Variants in ARHGAP15 observed in about 807,000 individuals in gnomAD.
The protein encoded by ARHGAP15 is Rho GTPase activating protein 15.
Under a neutral mutation model 63.7 loss-of-function variants are expected in ARHGAP15, and 51 were observed. That is an observed-to-expected ratio of 0.80 (90% CI 0.64 to 1.01). The LOEUF (loss-of-function observed/expected upper bound fraction) is 1.01. Ranked by LOEUF, ARHGAP15 falls within the 50% of genes least tolerant of loss-of-function variation. The pLI is 0.00. For missense variants in ARHGAP15, 560 were observed against 564.6 expected, an observed-to-expected ratio of 0.99 and a Z score of 0.08; for synonymous variants, 191 against 193.8, an observed-to-expected ratio of 0.99 and a Z score of 0.12.
chr2:143,540,272 G>A (rs1458978698), intron 10 of ARHGAP15, among the ~76,000 whole-genome samples: 2 of 152,056 alleles, frequency 1.3e-5, no homozygotes, highest in Admixed American at 6.6e-5. Flanking sequence ...GCCTATATGT[G>A]TGTCTGCACG....
chr2:143,515,377 G>T (rs1428567095), intron 9 of ARHGAP15, among the ~76,000 whole-genome samples: 1 of 152,056 alleles, frequency 6.6e-6, no homozygotes, highest in Non-Finnish European at 1.5e-5. Context: ...TCTAGATAAG[G>T]TGTTTTAGTG....
intron 9 of ARHGAP15, among the ~76,000 whole-genome samples, chr2:143,510,199 C>T (rs953130621): frequency 2.0e-5 from 3 of 152,072 alleles, no homozygotes; most frequent in African/African-American, 7.2e-5. Context: ...ATTTTGTCTT[C>T]CAATATCCGC....
intron 8 of ARHGAP15, among the ~76,000 whole-genome samples, chr2:143,459,092 TAGTGGC>T (rs1690799860): frequency 6.6e-6 from 1 of 152,186 alleles, no homozygotes; most frequent in Admixed American, 6.5e-5. Flanking sequence ...TTAAGGTTGC[TAGTGGC>T]TTCAATTAAA....
intron 12 of ARHGAP15, among the ~76,000 whole-genome samples, chr2:143,693,025 T>C (rs1208718253): frequency 1.3e-5 from 2 of 152,110 alleles, no homozygotes; most frequent in African/African-American, 4.8e-5. Context: ...TTTAAAGTGA[T>C]AGTTTTTTTT....
intron 13 of ARHGAP15, among the ~76,000 whole-genome samples, chr2:143,730,944 T>A (rs5025018): frequency 0.29 from 1,120 of 3,898 alleles, 31 homozygotes; most frequent in Non-Finnish European, 0.32. Flanking sequence ...TTTTTTTTTT[T>A]TTGATTCAGT....
At chr2:143,161,892 T>G (rs1379858187) in intron 2 of ARHGAP15, among the ~76,000 whole-genome samples, 1 of 151,838 alleles carries the variant, frequency 6.6e-6, no homozygotes, top group Non-Finnish European at 1.5e-5. Context: ...CGGCCGTCTG[T>G]AGGAGGGCTC....
At chr2:143,402,037 T>C (rs1688009209) in intron 6 of ARHGAP15, among the ~76,000 whole-genome samples, 1 of 151,858 alleles carries the variant, frequency 6.6e-6, no homozygotes, top group Admixed American at 6.6e-5. Context: ...AGAAGAAAGA[T>C]ATTCACAAGC....
intron 13 of ARHGAP15, among the ~76,000 whole-genome samples, chr2:143,707,732 A>G (rs1684395598): frequency 1.3e-5 from 2 of 152,170 alleles, no homozygotes; most frequent in South Asian, 4.1e-4. Flanking sequence ...GTGATAGGGG[A>G]GGGTTATGTA....
intron 2 of ARHGAP15, among the ~76,000 whole-genome samples, chr2:143,162,781 C>G (rs969067600): frequency 2.0e-5 from 3 of 152,004 alleles, no homozygotes; most frequent in Non-Finnish European, 4.4e-5. Flanking sequence ...TAATTTATGG[C>G]AAACTCCCAA....
At chr2:143,402,245 T>C (rs974625746) in intron 6 of ARHGAP15, among the ~76,000 whole-genome samples, 1 of 151,884 alleles carries the variant, frequency 6.6e-6, no homozygotes, top group Admixed American at 6.6e-5. Context: ...CCATATAATA[T>C]TATTACAATG....
At chr2:143,312,798 CAA>C (rs925670071) in intron 6 of ARHGAP15, among the ~76,000 whole-genome samples, 3 of 152,114 alleles carry the variant, frequency 2.0e-5, no homozygotes, top group Non-Finnish European at 2.9e-5. Context: ...CAGTTTCCAA[CAA>C]AAGAGTTTCT....
chr2:143,311,286 CT>C (rs200487179), intron 6 of ARHGAP15, among the ~76,000 whole-genome samples: 5,636 of 145,544 alleles, frequency 0.039, 194 homozygotes, highest in South Asian at 0.094. Context: ...CTTCCCCTCC[CT>C]TTTTTTTTTT....
At chr2:143,483,281 C>T (rs192670538) in intron 8 of ARHGAP15, among the ~76,000 whole-genome samples, 15 of 151,992 alleles carry the variant, frequency 9.9e-5, no homozygotes, top group African/African-American at 3.1e-4. Context: ...TAACTCATAC[C>T]GTAATTATTT....
At chr2:143,210,896 A>G (rs993461677) in intron 3 of ARHGAP15, among the ~76,000 whole-genome samples, 2 of 151,398 alleles carry the variant, frequency 1.3e-5, no homozygotes, top group Non-Finnish European at 3.0e-5. Flanking sequence ...ACCACTTCTT[A>G]AAAATGTGCA....
intron 6 of ARHGAP15, among the ~76,000 whole-genome samples, chr2:143,386,481 C>T (rs568629408): frequency 1.3e-5 from 2 of 152,242 alleles, no homozygotes; most frequent in Admixed American, 1.3e-4. Flanking sequence ...ACTGAAGACT[C>T]ATGCTTGAGA....
intron 6 of ARHGAP15, among the ~76,000 whole-genome samples, chr2:143,253,758 AATAT>A (rs1680281559): frequency 6.7e-6 from 1 of 150,154 alleles, no homozygotes; most frequent in Non-Finnish European, 1.5e-5. Flanking sequence ...ATATACATAA[AATAT>A]ATATGCAAAT....
chr2:143,676,386 A>T (rs750134365), intron 12 of ARHGAP15: 14 of 152,336 alleles, frequency 9.2e-5, no homozygotes, highest in African/African-American at 3.4e-4. Context: ...ATTCTTTGGC[A>T]CAAGCAACCT....
intron 12 of ARHGAP15, among the ~76,000 whole-genome samples, chr2:143,660,672 G>T (rs1329238918): frequency 6.6e-6 from 1 of 152,172 alleles, no homozygotes; most frequent in East Asian, 1.9e-4. Flanking sequence ...GTACCAGTAT[G>T]ATAAATTGAA....
At chr2:143,633,273 T>C (rs566399231) in intron 12 of ARHGAP15, among the ~76,000 whole-genome samples, 1 of 152,246 alleles carries the variant, frequency 6.6e-6, no homozygotes, top group South Asian at 2.1e-4. Context: ...ATTATATTCA[T>C]AATGAAATTG....
Sources: allele counts gnomAD v4.1 joint callset (sites outside exome capture counted in the v4.1 genomes callset), GRCh38; gene constraint gnomAD v4.1.1; transcripts MANE v1.5; gene names NCBI Gene and HGNC (gene_info 2026-07-23, HGNC 2026-07-21).